The following NRXN3 variants were observed in gnomAD, a reference collection of about 807,000 sequenced individuals.
NRXN3 encodes the protein neurexin III.
Under a neutral mutation model 137.6 loss-of-function variants are expected in NRXN3, and 32 were observed. That is an observed-to-expected ratio of 0.23 (90% CI 0.18 to 0.31). The LOEUF (loss-of-function observed/expected upper bound fraction) is 0.31, where lower values mean the gene tolerates loss of function less well. Among genes scored for constraint, NRXN3 ranks in the 10% least tolerant of loss-of-function variants. NRXN3 has a pLI of 1.00. For synonymous variants in NRXN3, 798 were observed against 784.5 expected (o/e 1.02, Z -0.29); for missense variants, 1,574 against 2,062.5 (o/e 0.76, Z 4.59).
chr14:78,772,987 T>G lies in NRXN3; in HGVS notation c.2045-30633T>G, dbSNP rs1391817424. Among the ~76,000 whole-genome samples the G allele has an allele frequency of 2.7e-4, 41 of 152,346 alleles. 1 individual carries two copies. Among genetic ancestry groups the G allele is most frequent in the Admixed American group, 2.3e-3 (35 of 15,304 alleles). On this transcript the variant is annotated intron_variant, in intron 8 of 20. Coordinates refer to ENST00000335750, the MANE Select transcript of NRXN3 (RefSeq NM_001330195.2). ...CTTGTTTTATTTCTGTAATTCATTT[T>G]TAGTTACGTTTTGTTCTTGATTCTC... is the stretch of plus-strand genomic sequence containing the variant.
At chr14:78,991,096 C>T (rs2099517872) in intron 15 of NRXN3, among the ~76,000 whole-genome samples, 1 of 152,176 alleles carries the variant, frequency 6.6e-6, no homozygotes, top group South Asian at 2.1e-4. Context: ...TGAATAGGCT[C>T]ATGCTTATCA....
intron 15 of NRXN3, among the ~76,000 whole-genome samples, chr14:79,403,059 G>C (rs563923542): frequency 1.4e-4 from 21 of 152,214 alleles, no homozygotes; most frequent in African/African-American, 4.6e-4. Context: ...GTTTCTTTTG[G>C]GGGGTGAATG....
chr14:79,366,762 G>A (rs1194278726), intron 15 of NRXN3, among the ~76,000 whole-genome samples: 1 of 152,132 alleles, frequency 6.6e-6, no homozygotes, highest in Admixed American at 6.6e-5. Flanking sequence ...AAGAAAGCAT[G>A]TGTGTGGCAC....
At chr14:79,412,322 G>A (rs1267797727) in intron 15 of NRXN3, among the ~76,000 whole-genome samples, 1 of 152,106 alleles carries the variant, frequency 6.6e-6, no homozygotes, top group Admixed American at 6.6e-5. Flanking sequence ...TGGATTAGTG[G>A]GGGCCCTTTC....
intron 6 of NRXN3, among the ~76,000 whole-genome samples, chr14:78,707,616 T>A (rs1339471199): frequency 6.6e-6 from 1 of 152,170 alleles, no homozygotes; most frequent in Non-Finnish European, 1.5e-5. Context: ...ATGAATAAGT[T>A]CTTAAGTGGT....
At chr14:78,671,179 T>C (rs781380974) in intron 6 of NRXN3, among the ~76,000 whole-genome samples, 1 of 152,182 alleles carries the variant, frequency 6.6e-6, no homozygotes, top group Non-Finnish European at 1.5e-5. Context: ...TCCAGGTATA[T>C]GGCATAGTCA....
intron 10 of NRXN3, among the ~76,000 whole-genome samples, chr14:78,838,871 G>T (rs1596369832): frequency 2.0e-5 from 3 of 152,060 alleles, no homozygotes; most frequent in Admixed American, 6.6e-5. Context: ...AGGAGCTGCT[G>T]GAAGGGAGAA....
At chr14:79,749,538 A>G (rs756943684) in intron 19 of NRXN3, among the ~76,000 whole-genome samples, 13 of 151,236 alleles carry the variant, frequency 8.6e-5, no homozygotes. Context: ...AAAATCTGGG[A>G]TTATAGGAGT....
chr14:78,335,519 T>C (rs1261969310), intron 4 of NRXN3, among the ~76,000 whole-genome samples: 1 of 152,248 alleles, frequency 6.6e-6, no homozygotes. Flanking sequence ...GACTGATTGA[T>C]TGATTGATAT....
intron 16 of NRXN3, among the ~76,000 whole-genome samples, chr14:79,588,736 T>A (rs547470478): frequency 6.6e-6 from 1 of 152,336 alleles, no homozygotes; most frequent in South Asian, 2.1e-4. Flanking sequence ...CTTTTGCCTG[T>A]CCATGAACTC....
chr14:78,788,849 G>A (rs2098797070), intron 8 of NRXN3, among the ~76,000 whole-genome samples: 1 of 151,952 alleles, frequency 6.6e-6, no homozygotes, highest in Non-Finnish European at 1.5e-5. Context: ...TCCCAACAAG[G>A]TTTTACCATG....
At chr14:79,379,479 A>G (rs1163519696) in intron 15 of NRXN3, among the ~76,000 whole-genome samples, 1 of 152,292 alleles carries the variant, frequency 6.6e-6, no homozygotes, top group South Asian at 2.1e-4. Context: ...CCACAATAAC[A>G]TAGCAGGTGC....
intron 1 of NRXN3, among the ~76,000 whole-genome samples, chr14:78,224,866 A>G (rs1376291986): frequency 7.3e-6 from 1 of 137,278 alleles, no homozygotes; most frequent in African/African-American, 2.7e-5. Context: ...TCCCAGGTTC[A>G]CGCCATTCTC....
At chr14:79,249,964 T>C (rs1279787775) in intron 15 of NRXN3, among the ~76,000 whole-genome samples, 2 of 152,232 alleles carry the variant, frequency 1.3e-5, no homozygotes, top group Non-Finnish European at 2.9e-5. Context: ...TATGCTAACA[T>C]ATCTGGTTAT....
rs547289642 is a variant in NRXN3 at position 78,435,196 on chromosome 14, C to T, written c.757+137336C>T. On this transcript the variant is annotated intron_variant, in intron 4 of 20. Coordinates refer to ENST00000335750, the MANE Select transcript of NRXN3 (RefSeq NM_001330195.2). ...TAATATCACAGAAATGCATTTCTAT[C>T]TGGTCTTCACTTCCCTGATTCTTTA... Among the ~76,000 whole-genome samples, 36 of 152,264 alleles carry T rather than the reference C, an allele frequency of 2.4e-4. No individual in the cohort carries two copies. The South Asian group carries it at 6.0e-3, about 25-fold the overall frequency.
chr14:79,813,540 T>G (rs2099242220), intron 20 of NRXN3, among the ~76,000 whole-genome samples: 2 of 152,178 alleles, frequency 1.3e-5, no homozygotes, highest in African/African-American at 4.8e-5. Context: ...GAGAGATATA[T>G]AGATATACAA....
At chr14:78,484,772 G>A (rs1242483365) in intron 4 of NRXN3, among the ~76,000 whole-genome samples, 2 of 152,114 alleles carry the variant, frequency 1.3e-5, no homozygotes, top group African/African-American at 4.8e-5. Flanking sequence ...AAAGGCAGCC[G>A]CTGATCACTG....
At chr14:79,208,547 C>G (rs2067140824) in intron 15 of NRXN3, among the ~76,000 whole-genome samples, 1 of 152,118 alleles carries the variant, frequency 6.6e-6, no homozygotes, top group Non-Finnish European at 1.5e-5. Flanking sequence ...TTCATCTAAA[C>G]TTTTATTTTC....
chr14:78,366,413 G>A (rs1253075584), intron 4 of NRXN3, among the ~76,000 whole-genome samples: 3 of 152,140 alleles, frequency 2.0e-5, no homozygotes, highest in East Asian at 3.9e-4. Flanking sequence ...TAAAAAATTT[G>A]TGTTTAAAAT....
Sources: gnomAD v4.1 joint callset for allele counts (sites outside exome capture counted in the v4.1 genomes callset) on GRCh38, gnomAD v4.1.1 for gene constraint, MANE v1.5 for transcripts, NCBI Gene and HGNC (gene_info 2026-07-23, HGNC 2026-07-21) for gene names.